The following NPFFR2 variants were observed in gnomAD, a reference collection of about 807,000 sequenced individuals.
The protein encoded by NPFFR2 is neuropeptide FF receptor 2.
In NPFFR2, 15 loss-of-function variants were observed where a neutral mutation model predicts 13.1. That is an observed-to-expected ratio of 1.15 (90% CI 0.77 to 1.76). The LOEUF (loss-of-function observed/expected upper bound fraction) is 1.76. Ranked by LOEUF, NPFFR2 falls within the 40% of genes most tolerant of loss-of-function variation. The pLI is 0.00. For synonymous variants in NPFFR2, 190 were observed against 175.7 expected (o/e 1.08, Z -0.65); for missense variants, 572 against 503.5 (o/e 1.14, Z -1.30).
chr4:72,128,715 C>G lies in NPFFR2; in HGVS notation c.124C>G (p.Pro42Ala). 1 of 1,614,080 alleles carries G rather than the reference C, an allele frequency of 6.2e-7. No homozygotes were observed. Residue 42 changes from proline to alanine, a missense_variant, in exon 2 of 4, where the codon CCT (proline) becomes GCT (alanine). By Grantham distance (27) the Pro-to-Ala change is conservative. Coordinates refer to ENST00000308744, the MANE Select transcript of NPFFR2 (RefSeq NM_004885.3). ...CTATGTGAACTACTATCTTCACCAG[C>G]CTCAAGTGGCAGCAATCTTCATTAT... Reference protein sequence around the residue: ...ITYVNYYLHQPQVAAIFIISY... With the variant: ...ITYVNYYLHQAQVAAIFIISY...
chr4:72,097,898 C>T (rs12108353), intron 1 of NPFFR2, among the ~76,000 whole-genome samples: 4,426 of 152,240 alleles, frequency 0.029, 176 homozygotes, highest in African/African-American at 0.09. Flanking sequence ...GCTCAAATAA[C>T]TTACCTTCTT....
chr4:72,087,120 G>A (rs1022169823), intron 1 of NPFFR2, among the ~76,000 whole-genome samples: 5 of 152,002 alleles, frequency 3.3e-5, no homozygotes, highest in African/African-American at 1.2e-4. Flanking sequence ...AGCTTATATT[G>A]ATGATGTACG....
intron 2 of NPFFR2, 112 bp from the exon 3 acceptor site, chr4:72,137,928 C>G: frequency 1.4e-6 from 1 of 737,570 alleles, no homozygotes; most frequent in Non-Finnish European, 2.3e-6. Context: ...TTTTCTCTGC[C>G]TATCATGTAG....
chr4:72,080,354 A>G (rs940616983), intron 1 of NPFFR2, among the ~76,000 whole-genome samples: 6 of 151,910 alleles, frequency 3.9e-5, no homozygotes, highest in Admixed American at 3.3e-4. Context: ...TAGTAGAGAC[A>G]GGGTTTCACC....
chr4:72,042,372 T>A (rs911132330), intron 1 of NPFFR2, among the ~76,000 whole-genome samples: 1 of 152,172 alleles, frequency 6.6e-6, no homozygotes, highest in African/African-American at 2.4e-5. Context: ...GGCGTGAGAA[T>A]GGACTAGTAG....
intron 1 of NPFFR2, among the ~76,000 whole-genome samples, chr4:72,080,592 A>G (rs1720588839): frequency 6.6e-6 from 1 of 152,186 alleles, no homozygotes; most frequent in South Asian, 2.1e-4. Context: ...CAGTGACATT[A>G]TGCTAAAATT....
chr4:72,110,773 G>A (rs1369315448), intron 1 of NPFFR2, among the ~76,000 whole-genome samples: 3 of 151,952 alleles, frequency 2.0e-5, no homozygotes, highest in Admixed American at 1.3e-4. Flanking sequence ...GGTTTCGGGT[G>A]CATCTAATAT....
chr4:72,053,842 A>G (rs889459397), intron 1 of NPFFR2, among the ~76,000 whole-genome samples: 1 of 151,888 alleles, frequency 6.6e-6, no homozygotes, highest in African/African-American at 2.4e-5. Flanking sequence ...ATCTTTGCCT[A>G]TTCCTTATCT....
chr4:72,036,103 C>T (rs1276301911), intron 1 of NPFFR2, among the ~76,000 whole-genome samples: 2 of 152,170 alleles, frequency 1.3e-5, no homozygotes, highest in Non-Finnish European at 2.9e-5. Flanking sequence ...CAACCATACG[C>T]ATTATCTCAT....
intron 1 of NPFFR2, among the ~76,000 whole-genome samples, chr4:72,098,018 C>G (rs1417842859): frequency 6.6e-6 from 1 of 152,106 alleles, no homozygotes; most frequent in Admixed American, 6.6e-5. Flanking sequence ...TATTTGTTTA[C>G]ATACAAGTCT....
intron 1 of NPFFR2, among the ~76,000 whole-genome samples, chr4:72,116,151 C>T (rs528520040): frequency 1.3e-5 from 2 of 152,180 alleles, no homozygotes; most frequent in East Asian, 1.9e-4. Context: ...AAATATCAAA[C>T]TTTAATGTTT....
At chr4:72,034,982 C>T (rs1032666152) in intron 1 of NPFFR2, among the ~76,000 whole-genome samples, 1 of 152,208 alleles carries the variant, frequency 6.6e-6, no homozygotes, top group Non-Finnish European at 1.5e-5. Flanking sequence ...GGCTCTGTGC[C>T]TCAGGCAAAT....
intron 2 of NPFFR2, among the ~76,000 whole-genome samples, chr4:72,132,731 A>G (rs28879711): frequency 0.044 from 6,677 of 152,156 alleles, 407 homozygotes; most frequent in African/African-American, 0.14. Context: ...GTTTTTATTT[A>G]CATTTCTCTA....
At position 72,104,487 on chromosome 4, in the gene NPFFR2, G is replaced by A. The variant is rs114537468; in HGVS notation, c.-7-24098G>A. ...TGTTTTTGTACATTTCTGAAGAATG[G>A]CAAACTACCTAGCTTAAATACCCCG... On this transcript the variant is annotated intron_variant, in intron 1 of 3. Coordinates refer to ENST00000308744, the MANE Select transcript of NPFFR2 (RefSeq NM_004885.3). 3.4e-3 allele frequency among the ~76,000 whole-genome samples: 522 copies of A among 152,092 alleles called. 5 individuals carry two copies. The highest frequency in any genetic ancestry group is 0.012 in the African/African-American group (493 of 41,502).
chr4:72,037,859 A>AT (rs1719084280), intron 1 of NPFFR2, among the ~76,000 whole-genome samples: 1 of 152,174 alleles, frequency 6.6e-6, no homozygotes, highest in Non-Finnish European at 1.5e-5. Context: ...TAGTGGCCCT[A>AT]TGCTTCCCTT....
chr4:72,068,436 C>T (rs1235010250), intron 1 of NPFFR2, among the ~76,000 whole-genome samples: 3 of 152,188 alleles, frequency 2.0e-5, no homozygotes, highest in Non-Finnish European at 4.4e-5. Flanking sequence ...CCCTCATGCT[C>T]TAATCACTTC....
At chr4:72,034,245 GGACTGCCTGA>G (rs995972215) in intron 1 of NPFFR2, among the ~76,000 whole-genome samples, 2 of 152,130 alleles carry the variant, frequency 1.3e-5, no homozygotes, top group African/African-American at 4.8e-5. Flanking sequence ...CTGCTATAAA[GGACTGCCTGA>G]GACTGGGTAA....
intron 1 of NPFFR2, among the ~76,000 whole-genome samples, chr4:72,109,962 C>A (rs1001490714): frequency 1.3e-5 from 2 of 151,946 alleles, no homozygotes; most frequent in Non-Finnish European, 2.9e-5. Context: ...TCGCAAGACA[C>A]AGAACATGCA....
intron 1 of NPFFR2, among the ~76,000 whole-genome samples, chr4:72,099,784 G>C (rs1355133368): frequency 6.6e-6 from 1 of 151,994 alleles, no homozygotes; most frequent in Non-Finnish European, 1.5e-5. Context: ...AAAAAAACTT[G>C]GCATTTTATT....
Sources: gnomAD v4.1 joint callset for allele counts (sites outside exome capture counted in the v4.1 genomes callset) on GRCh38, gnomAD v4.1.1 for gene constraint, MANE v1.5 for transcripts, NCBI Gene and HGNC (gene_info 2026-07-23, HGNC 2026-07-21) for gene names.